Variants in TPCN2 observed in about 807,000 individuals in gnomAD.
The protein encoded by TPCN2 is two pore channel protein 2.
TPCN2 carries 92 observed loss-of-function variants against 111.4 expected under a neutral mutation model. The ratio of observed to expected loss-of-function variants is 0.83; its 90% CI spans 0.70 to 0.98. TPCN2 has a LOEUF of 0.98. Among genes scored for constraint, TPCN2 ranks in the 50% least tolerant of loss-of-function variants. The pLI is 0.00. For synonymous variants in TPCN2, 405 were observed against 414.5 expected (o/e 0.98, Z 0.28); for missense variants, 995 against 980.1 (o/e 1.02, Z -0.20).
chr11:69,084,112 C>T (rs192482192), intron 19 of TPCN2, 96 bp downstream of exon 19: 385 of 1,284,802 alleles, frequency 3.0e-4, no homozygotes, highest in Admixed American at 1.7e-3. Context: ...ACTGCTCTGT[C>T]GGTAGGAAGG....
intron 9 of TPCN2, 90 bp from the exon 10 acceptor site, chr11:69,071,266 C>G (rs1367180411): frequency 1.3e-5 from 13 of 1,001,398 alleles, no homozygotes; most frequent in Admixed American, 2.0e-5. Context: ...GGGACGCCCC[C>G]GGCGCTGTGC....
At chr11:69,053,971 A>G in intron 1 of TPCN2, 62 bp from the exon 2 acceptor site, 2 of 1,406,694 alleles carry the variant, frequency 1.4e-6, no homozygotes, top group East Asian at 2.3e-5. Context: ...GATCACGGGT[A>G]TCCTGGAGGG....
chr11:69,068,768 A>G (rs868575775), intron 8 of TPCN2, among the ~76,000 whole-genome samples: 1 of 70,044 alleles, frequency 1.4e-5, no homozygotes, highest in South Asian at 6.8e-4. Context: ...GGAAGTGACC[A>G]CAGGGGGAGC....
At chr11:69,076,682 C>T (rs1855771832) in intron 13 of TPCN2, among the ~76,000 whole-genome samples, 1 of 65,430 alleles carries the variant, frequency 1.5e-5, no homozygotes, top group African/African-American at 6.9e-5. Context: ...CCTGCCGTGT[C>T]CCTCCACCTG....
chr11:69,076,569 C>T (rs1349465457), intron 13 of TPCN2, among the ~76,000 whole-genome samples: 1 of 150,834 alleles, frequency 6.6e-6, no homozygotes, highest in African/African-American at 2.4e-5. Flanking sequence ...CTCCACCTGC[C>T]CTCCTGCTCT....
At position 69,079,834 on chromosome 11, in the gene TPCN2, G is replaced by A. The variant is rs1404810083; in HGVS notation, c.1540G>A (p.Val514Ile). The change falls in exon 17 of 25, where the codon GTT becomes ATT. Residue 514 changes from valine to isoleucine, a missense_variant and splice_region_variant. Transcript: ENST00000294309. ...GCCTTCTTTTCTTTTGTAATTAAAGGTTTTGGAGATCTCAACTCTGGCTGT... is the reference window on the plus strand; with the variant it reads ...GCCTTCTTTTCTTTTGTAATTAAAGATTTTGGAGATCTCAACTCTGGCTGT... Reference protein sequence around the residue: ...FDGLLTVVLLVLEISTLAVYR... With the variant: ...FDGLLTVVLLILEISTLAVYR... 2 of 1,613,652 alleles carry A rather than the reference G, an allele frequency of 1.2e-6. No homozygotes were observed. The highest frequency in any genetic ancestry group is 8.5e-7 in the Non-Finnish European group (1 of 1,179,850).
chr11:69,056,616 C>T (rs758900186), intron 4 of TPCN2, among the ~76,000 whole-genome samples: 2 of 152,294 alleles, frequency 1.3e-5, no homozygotes, highest in Non-Finnish European at 2.9e-5. Flanking sequence ...TCACTGCAAC[C>T]TCCGCCTCCT....
chr11:69,058,461 G>T (rs1227403965), intron 5 of TPCN2, among the ~76,000 whole-genome samples: 1 of 152,194 alleles, frequency 6.6e-6, no homozygotes, highest in Non-Finnish European at 1.5e-5. Context: ...TCTGGGAGGG[G>T]GTGCTGTCTG....
intron 7 of TPCN2, 47 bp from the exon 8 acceptor site, chr11:69,067,456 G>T (rs763269415): frequency 1.6e-5 from 25 of 1,552,766 alleles, no homozygotes; most frequent in Non-Finnish European, 1.8e-5. Flanking sequence ...CTCAGCCTGT[G>T]GGGTGGGGAC....
At chr11:69,053,503 G>A (rs1861326328) in intron 1 of TPCN2, among the ~76,000 whole-genome samples, 1 of 152,146 alleles carries the variant, frequency 6.6e-6, no homozygotes, top group African/African-American at 2.4e-5. Flanking sequence ...ACAGTGTCCT[G>A]GCTCATGAAG....
At chr11:69,085,456 G>A (rs1001739303) in intron 20 of TPCN2, among the ~76,000 whole-genome samples, 170 bp downstream of exon 20, 10 of 149,322 alleles carry the variant, frequency 6.7e-5, no homozygotes, top group South Asian at 6.4e-4. Context: ...TTCCACCTCC[G>A]CTCCGCACCT....
intron 18 of TPCN2, among the ~76,000 whole-genome samples, chr11:69,082,625 C>T (rs1206764636): frequency 4.0e-5 from 6 of 148,996 alleles, no homozygotes; most frequent in Non-Finnish European, 7.4e-5. Flanking sequence ...CCGGGTAAGA[C>T]GCATGATCGT....
intron 19 of TPCN2, 56 bp downstream of exon 19, chr11:69,084,072 G>GGCTGGGAC: frequency 6.3e-7 from 1 of 1,579,114 alleles, no homozygotes; most frequent in African/African-American, 1.3e-5. Context: ...GAGGCTGGGA[G>GGCTGGGAC]GCTGGCGGAA....
chr11:69,080,709 T>C (rs1855969385), intron 17 of TPCN2, among the ~76,000 whole-genome samples: 1 of 152,064 alleles, frequency 6.6e-6, no homozygotes, highest in Admixed American at 6.5e-5. Context: ...GTCAGCTCCC[T>C]AGGAAGCCCC....
chr11:69,064,300 C>T (rs1026109818), intron 7 of TPCN2, among the ~76,000 whole-genome samples: 3 of 145,066 alleles, frequency 2.1e-5, no homozygotes, highest in Non-Finnish European at 3.0e-5. Context: ...CCCTATCCCC[C>T]GCCCCTCCCC....
chr11:69,087,295 C>T (rs1856326505), intron 24 of TPCN2, 89 bp downstream of exon 24: 2 of 1,123,486 alleles, frequency 1.8e-6, no homozygotes, highest in Non-Finnish European at 2.6e-6. Context: ...GGCGGGCAGG[C>T]CCTGATGACT....
Position 69,057,765 on chromosome 11 carries a change from T to G in TPCN2, c.546+71T>G, listed in dbSNP as rs1590708989. ...GGTGTGGGTGCAAGGCCCACGGGGG[T>G]GCTGGGATGGAGCCCTGAGCCCGCC... On this transcript the variant is annotated intron_variant, in intron 5 of 24. Coordinates refer to ENST00000294309, the MANE Select transcript of TPCN2 (RefSeq NM_139075.4). 3 of 1,435,170 alleles carry G rather than the reference T, an allele frequency of 2.1e-6. No individual in the cohort carries two copies. The South Asian group carries it at 3.4e-5, about 16-fold the overall frequency. The allele number at this position is 1,435,170 out of a possible 1,614,324, so 88.9% of individuals were successfully genotyped here. A position where few individuals can be genotyped will look rare whatever the true frequency, so the allele number is the denominator to read the frequency against.
At chr11:69,079,930 C>T (rs1329056987) in intron 17 of TPCN2, 47 bp downstream of exon 17, 4 of 1,585,554 alleles carry the variant, frequency 2.5e-6, no homozygotes, top group African/African-American at 1.3e-5. Flanking sequence ...AACAGCACCA[C>T]CACCCAGCGC....
At chr11:69,071,148 TTCACCCCAGGGATCCCCCAC>T (rs1855518280) in intron 9 of TPCN2, among the ~76,000 whole-genome samples, 188 bp from the exon 10 acceptor site, 1 of 140,326 alleles carries the variant, frequency 7.1e-6, no homozygotes, top group Admixed American at 7.1e-5. Flanking sequence ...CACCAACAGC[TTCACCCCAGGGATCCCCCAC>T]CCCACACTTT....
Sources: allele counts gnomAD v4.1 joint callset (sites outside exome capture counted in the v4.1 genomes callset), GRCh38; gene constraint gnomAD v4.1.1; transcripts MANE v1.5; gene names NCBI Gene and HGNC (gene_info 2026-07-23, HGNC 2026-07-21).